PABIR3: variants seen among roughly 807,000 people sequenced by gnomAD.
PABIR3 encodes PABIR family member 1.
In PABIR3, 20 loss-of-function variants were observed where a neutral mutation model predicts 23.1. The ratio of observed to expected loss-of-function variants is 0.86; its 90% confidence interval spans 0.61 to 1.26. The LOEUF (loss-of-function observed/expected upper bound fraction) is 1.26. Among genes scored for constraint, PABIR3 ranks in the 50% most tolerant of loss-of-function variants. The probability of loss-of-function intolerance (pLI) is 0.00; values close to 1 mark genes in which losing one functional copy is unlikely to be tolerated. For synonymous variants in PABIR3, 69 were observed against 68.5 expected, an observed-to-expected ratio of 1.01 and a Z score of -0.04; for missense variants, 189 against 195.4, an observed-to-expected ratio of 0.97 and a Z score of 0.20.
At chrX:134,860,573 C>T in the PABIR3 span, among the ~76,000 whole-genome samples, 1 of 111,343 alleles carries the variant, frequency 9.0e-6, no homozygotes, top group Non-Finnish European at 1.9e-5. Context: ...AAGTGCATCT[C>T]TTTGGGGATA....
At chrX:134,813,110 A>C (rs2080767645) in intron 2 of PABIR3, among the ~76,000 whole-genome samples, 1 of 112,142 alleles carries the variant, frequency 8.9e-6, no homozygotes, top group African/African-American at 3.2e-5. Context: ...TTTAAAAAAA[A>C]ATGACTTGGC....
At chrX:134,849,126 A>G (rs757065885) in intron 8 of PABIR3, 41 bp from the exon 9 acceptor site, 23 of 741,258 alleles carry the variant, frequency 3.1e-5, no homozygotes, top group Non-Finnish European at 3.9e-5. Context: ...TGATTTTGTT[A>G]AAAAAAATTT....
At chrX:134,815,531 C>T (rs2080924944) in intron 3 of PABIR3, among the ~76,000 whole-genome samples, 1 of 111,816 alleles carries the variant, frequency 8.9e-6, no homozygotes, top group African/African-American at 3.2e-5. Flanking sequence ...CAGTACCTCT[C>T]TCTAGTTTCT....
intron 1 of PABIR3, among the ~76,000 whole-genome samples, chrX:134,798,062 C>T (rs2079955806): frequency 9.0e-6 from 1 of 111,717 alleles, no homozygotes; most frequent in Non-Finnish European, 1.9e-5. Flanking sequence ...CTCAGGTGAT[C>T]CACCCGCCTC....
At chrX:134,848,390 CAAA>C (rs1172693164) in intron 8 of PABIR3, among the ~76,000 whole-genome samples, 1 of 78,907 alleles carries the variant, frequency 1.3e-5, no homozygotes, top group Non-Finnish European at 2.5e-5. Flanking sequence ...AACTCCATCT[CAAA>C]AAAAAAAAAA....
intron 4 of PABIR3, among the ~76,000 whole-genome samples, chrX:134,831,334 G>C (rs1027186641): frequency 9.0e-6 from 1 of 111,627 alleles, no homozygotes; most frequent in East Asian, 2.8e-4. Flanking sequence ...CTCCCAAAGT[G>C]CTGGGATTAC....
At chrX:134,834,300 GC>G (rs1471260700) in intron 4 of PABIR3, 1 of 112,110 alleles carries the variant, frequency 8.9e-6, no homozygotes, top group Non-Finnish European at 1.9e-5. Flanking sequence ...ATGTTTGTTG[GC>G]CACATAAATG....
the PABIR3 span, among the ~76,000 whole-genome samples, chrX:134,861,628 A>G: frequency 1.0e-5 from 1 of 100,321 alleles, no homozygotes; most frequent in African/African-American, 3.7e-5. Context: ...GAGCCGAGAT[A>G]GCGCCATTGC....
chrX:134,838,307 A>C (rs983371434), intron 4 of PABIR3, among the ~76,000 whole-genome samples: 3 of 109,971 alleles, frequency 2.7e-5, no homozygotes, highest in Non-Finnish European at 5.7e-5. Context: ...CACAATGAAG[A>C]CCAAGATAAA....
intron 3 of PABIR3, among the ~76,000 whole-genome samples, chrX:134,820,787 G>A (rs2081231849): frequency 9.1e-6 from 1 of 110,178 alleles, no homozygotes; most frequent in Non-Finnish European, 1.9e-5. Flanking sequence ...TTCAGAGGCC[G>A]AGGCAGGCGG....
In PABIR3 at chrX:134,845,410, T is replaced by G. The variant is rs745355936; in HGVS notation, c.345+9T>G. The G allele has an allele frequency of 3.4e-6, 4 of 1,177,993 alleles. No homozygotes were observed. Among genetic ancestry groups the G allele is most frequent in the Non-Finnish European group, 3.4e-6 (3 of 877,328 alleles). ...AAGAAGGCTTGAAACTGGTATGATA[T>G]TATAACTTCAGTTTTGTAGAAAATT... On this transcript the variant is annotated intron_variant, in intron 6 of 10. Coordinates refer to ENST00000645433, the MANE Select transcript of PABIR3 (RefSeq NM_001388447.1).
At position 134,854,283 on chromosome X, in the gene PABIR3, C is replaced by G. The variant is rs1253593667; in HGVS notation, c.*66C>G. The G allele has an allele frequency of 8.9e-7, 1 of 1,118,778 alleles. No individual in the cohort carries two copies. The highest frequency in any genetic ancestry group is 3.2e-5 in the East Asian group (1 of 31,588). The allele number at this position is 1,118,778 out of a possible 1,213,427, so 92.2% of individuals were successfully genotyped here. A position where few individuals can be genotyped will look rare whatever the true frequency, so the allele number is the denominator to read the frequency against. On this transcript the variant is annotated 3_prime_UTR_variant, in exon 11 of 11. Transcript: ENST00000645433. ...TTTCTCACCAGTGGAGAAACACACA[C>G]ATCAAGCAAACCAAGTCAGAGCAAT...
Position 134,807,283 on chromosome X carries a change from T to G in PABIR3, c.-118T>G. The G allele has an allele frequency of 9.7e-6, 9 of 924,377 alleles. No homozygotes were observed. Among genetic ancestry groups the G allele is most frequent in the Non-Finnish European group, 1.1e-5 (8 of 746,929 alleles). 76.2% of individuals were successfully genotyped at this position (924,377 alleles called of 1,213,427 possible). On this transcript the variant is annotated 5_prime_UTR_variant, in exon 1 of 11. It removes an upstream start codon present in the reference 5' UTR. Transcript: ENST00000645433. ...CATGAGTTGCCAGGGCTGAGAGAGA[T>G]GGAGAAGGATTCGCGGCGGTGACAG...
At position 134,809,890 on chromosome X, in the gene PABIR3, G is replaced by A. The variant is rs754200044; in HGVS notation, c.110+2182G>A. 1.3e-5 allele frequency: 10 copies of A among 752,169 alleles called. No homozygotes were observed. The South Asian group carries it at 6.1e-4, about 46-fold the overall frequency. The allele number at this position is 752,169 out of a possible 1,213,427, so 62.0% of individuals were successfully genotyped here. On this transcript the variant is annotated intron_variant, in intron 2 of 10. Transcript: ENST00000645433. ...GAATATATTGTTCACAAAATGAAAA[G>A]CAAACTAAGATTGACCAAAAAAAAA... is the stretch of plus-strand genomic sequence containing the variant.
At chrX:134,858,122 T>A (rs2082758249), downstream of PABIR3, among the ~76,000 whole-genome samples, 1 of 111,946 alleles carries the variant, frequency 8.9e-6, no homozygotes, top group South Asian at 3.7e-4. Flanking sequence ...TCAGGGATTT[T>A]AGAAGTCTTT....
At position 134,849,149 on chromosome X, in the gene PABIR3, A is replaced by T. The variant is rs1267190532; in HGVS notation, c.528-18A>T. ...TTAAAAAAAATTTCTTATAATGATC[A>T]TGATGATTTTATTTTAGAAGAAGTC... On this transcript the variant is annotated intron_variant, in intron 8 of 10. Transcript: ENST00000645433. 2.2e-6 allele frequency: 2 copies of T among 905,531 alleles called. No homozygotes were observed. The highest frequency in any genetic ancestry group is 4.2e-5 in the African/African-American group (2 of 48,152). The allele number at this position is 905,531 out of a possible 1,213,427, so 74.6% of individuals were successfully genotyped here. A position where few individuals can be genotyped will look rare whatever the true frequency, so the allele number is the denominator to read the frequency against.
intron 3 of PABIR3, among the ~76,000 whole-genome samples, chrX:134,821,167 G>A (rs1359118006): frequency 1.0e-5 from 1 of 96,111 alleles, no homozygotes; most frequent in Admixed American, 1.2e-4. Context: ...AAATCACTGT[G>A]ACAGAGGGCA....
At position 134,828,045 on chromosome X, in the gene PABIR3, C is replaced by CTATATA. The variant is rs1487383716; in HGVS notation, c.190-1180_190-1179insATATAT. 3.4e-3 allele frequency among the ~76,000 whole-genome samples: 199 copies of CTATATA among 59,161 alleles called. 2 individuals are homozygous for CTATATA. Among genetic ancestry groups the CTATATA allele is most frequent in the Non-Finnish European group, 4.6e-3 (150 of 32,925 alleles). The allele number at this position is 59,161 out of a possible 115,157, so 51.4% of individuals were successfully genotyped here. A position where few individuals can be genotyped will look rare whatever the true frequency, so the allele number is the denominator to read the frequency against. On this transcript the variant is annotated intron_variant, in intron 3 of 10. Coordinates refer to ENST00000645433, the MANE Select transcript of PABIR3 (RefSeq NM_001388447.1). ...TCTCTCTCTCTCTCTCTCTCTCTCT[C>CTATATA]TCTATATATATATATATATATATAT...
intron 4 of PABIR3, among the ~76,000 whole-genome samples, chrX:134,837,280 A>T (rs1208052128): frequency 5.4e-5 from 6 of 110,453 alleles, no homozygotes; most frequent in Non-Finnish European, 1.1e-4. Context: ...CGGGAACCAG[A>T]GGTTGCAGTG....
Sources: allele counts gnomAD v4.1 joint callset (sites outside exome capture counted in the v4.1 genomes callset), GRCh38; gene constraint gnomAD v4.1.1; transcripts MANE v1.5; gene names NCBI Gene and HGNC (gene_info 2026-07-23, HGNC 2026-07-21).